The following CSMD1 variants were observed in gnomAD, a reference collection of about 807,000 sequenced individuals.
The protein encoded by CSMD1 is CUB and sushi domain-containing protein 1.
A neutral mutation model predicts 417.5 loss-of-function variants in CSMD1; 213 were observed. That is an observed-to-expected ratio of 0.51 (90% CI 0.46 to 0.57). The LOEUF is 0.57. Among genes scored for constraint, CSMD1 ranks in the 20% least tolerant of loss-of-function variants. CSMD1 has a pLI of 0.00. For synonymous variants in CSMD1, 2,862 were observed against 1,736.8 expected (o/e 1.65, Z -16.11); for missense variants, 6,923 against 4,529.7 (o/e 1.53, Z -15.17).
chr8:4,162,908 A>G (rs1779876636), intron 3 of CSMD1, among the ~76,000 whole-genome samples: 1 of 152,114 alleles, frequency 6.6e-6, no homozygotes, highest in Non-Finnish European at 1.5e-5. Flanking sequence ...CCCTTCCTCC[A>G]ACCCTTTGCA....
chr8:4,160,548 G>A (rs561852424), intron 3 of CSMD1, among the ~76,000 whole-genome samples: 2 of 152,322 alleles, frequency 1.3e-5, no homozygotes, highest in Non-Finnish European at 2.9e-5. Context: ...ATTTTCAGGT[G>A]ATTTAAATAT....
At chr8:4,511,013 C>T (rs544032803) in intron 2 of CSMD1, among the ~76,000 whole-genome samples, 1 of 152,030 alleles carries the variant, frequency 6.6e-6, no homozygotes, top group East Asian at 1.9e-4. Flanking sequence ...TGCCTTTAAC[C>T]TATGTGGCTG....
intron 3 of CSMD1, among the ~76,000 whole-genome samples, chr8:4,200,837 G>A (rs1167300622): frequency 6.6e-6 from 1 of 152,178 alleles, no homozygotes; most frequent in East Asian, 1.9e-4. Context: ...TCGCCTGAGT[G>A]ACAAAGTGAA....
chr8:4,123,822 T>A (rs1039787300), intron 3 of CSMD1, among the ~76,000 whole-genome samples: 1 of 152,092 alleles, frequency 6.6e-6, no homozygotes, highest in Non-Finnish European at 1.5e-5. Flanking sequence ...TAAGTTCAAG[T>A]GAGGACCTAT....
chr8:3,009,517 A>C (rs1808218662), intron 52 of CSMD1, among the ~76,000 whole-genome samples: 1 of 152,212 alleles, frequency 6.6e-6, no homozygotes, highest in Non-Finnish European at 1.5e-5. Context: ...AATGGTCATA[A>C]AATGTCAGGT....
chr8:4,150,866 A>G lies in CSMD1; in HGVS notation c.416-118767T>C, dbSNP rs7832260. Reference sequence around the variant, plus strand: ...TTAACAATATGGATTATAAATATAAAAAAATGTCCTGCTGAGAAACGCCTG... The same window carrying G: ...TTAACAATATGGATTATAAATATAAGAAAATGTCCTGCTGAGAAACGCCTG... On this transcript the variant is annotated intron_variant, in intron 3 of 69. Transcript: ENST00000635120. Among the ~76,000 whole-genome samples, 228 of 138,742 alleles carry G rather than the reference A, an allele frequency of 1.6e-3. 3 individuals are homozygous for G. The highest frequency in any genetic ancestry group is 6.0e-3 in the African/African-American group (221 of 36,738). 91.0% of individuals were successfully genotyped at this position (138,742 alleles called of 152,430 possible).
intron 3 of CSMD1, among the ~76,000 whole-genome samples, chr8:4,200,514 T>G (rs1321315093): frequency 2.0e-5 from 3 of 152,176 alleles, no homozygotes. Context: ...AATGAGAAAT[T>G]ATTTAGAAAT....
chr8:4,537,455 T>C (rs1228484987), intron 2 of CSMD1, among the ~76,000 whole-genome samples: 2 of 152,208 alleles, frequency 1.3e-5, no homozygotes, highest in Non-Finnish European at 2.9e-5. Context: ...AAAAGTCATA[T>C]TACTAATTGC....
At chr8:4,300,360 T>A (rs143840580) in intron 3 of CSMD1, among the ~76,000 whole-genome samples, 1 of 152,156 alleles carries the variant, frequency 6.6e-6, no homozygotes, top group Non-Finnish European at 1.5e-5. Context: ...AAATAAAATA[T>A]ATAAACTTTA....
intron 49 of CSMD1, among the ~76,000 whole-genome samples, chr8:3,062,555 A>C (rs891854365): frequency 7.5e-6 from 1 of 133,586 alleles, no homozygotes; most frequent in Non-Finnish European, 1.7e-5. Flanking sequence ...AACAAAACAC[A>C]TTAAAAAAAA....
At chr8:3,439,309 A>ATATATATATCTATATTTTT in intron 12 of CSMD1, among the ~76,000 whole-genome samples, 1 of 62,482 alleles carries the variant, frequency 1.6e-5, no homozygotes, top group Non-Finnish European at 2.9e-5. Context: ...ATATATATAT[A>ATATATATATCTATATTTTT]TTTTTTTTTT....
intron 3 of CSMD1, among the ~76,000 whole-genome samples, chr8:4,381,946 G>C (rs756566326): frequency 2.6e-5 from 4 of 152,046 alleles, no homozygotes; most frequent in Non-Finnish European, 5.9e-5. Flanking sequence ...AGTATGTGTA[G>C]AATAACTGCA....
chr8:3,295,698 T>A (rs1269392565), intron 25 of CSMD1, among the ~76,000 whole-genome samples: 6 of 152,156 alleles, frequency 3.9e-5, no homozygotes, highest in Non-Finnish European at 5.9e-5. Flanking sequence ...ATGTATGTAT[T>A]GCCCTTGTTT....
intron 41 of CSMD1, among the ~76,000 whole-genome samples, chr8:3,131,391 AAG>A (rs1274831373): frequency 6.6e-6 from 1 of 151,934 alleles, no homozygotes; most frequent in Non-Finnish European, 1.5e-5. Flanking sequence ...AAAATAAAAA[AAG>A]AAATATCTGC....
chr8:3,842,349 CATATCA>C (rs1161080139), intron 5 of CSMD1, among the ~76,000 whole-genome samples: 3 of 152,070 alleles, frequency 2.0e-5, no homozygotes, highest in African/African-American at 7.2e-5. Context: ...TTTAGATACC[CATATCA>C]ATACCACTAA....
chr8:3,870,792 C>T (rs1805429789), intron 5 of CSMD1, among the ~76,000 whole-genome samples: 1 of 152,056 alleles, frequency 6.6e-6, no homozygotes, highest in Non-Finnish European at 1.5e-5. Flanking sequence ...TCAGGAATTG[C>T]ATTCTTATTG....
intron 2 of CSMD1, among the ~76,000 whole-genome samples, chr8:4,471,565 C>T (rs923531522): frequency 6.6e-6 from 1 of 151,866 alleles, no homozygotes; most frequent in Non-Finnish European, 1.5e-5. Flanking sequence ...TGTTTAATAA[C>T]GAAGGCCCGT....
intron 26 of CSMD1, among the ~76,000 whole-genome samples, chr8:3,272,324 G>C (rs1801927691): frequency 6.8e-6 from 1 of 146,284 alleles, no homozygotes; most frequent in Non-Finnish European, 1.5e-5. Context: ...TGCTGTTTTG[G>C]TTACGGTAGC....
intron 5 of CSMD1, among the ~76,000 whole-genome samples, chr8:3,961,638 T>A (rs1271230034): frequency 1.3e-5 from 2 of 152,184 alleles, no homozygotes; most frequent in Admixed American, 1.3e-4. Context: ...CTGTTTTATG[T>A]AACATTCTTG....
Sources: gnomAD v4.1 joint callset for allele counts (sites outside exome capture counted in the v4.1 genomes callset) on GRCh38, gnomAD v4.1.1 for gene constraint, MANE v1.5 for transcripts, NCBI Gene and HGNC (gene_info 2026-07-23, HGNC 2026-07-21) for gene names.